Variants in ATP1A2 observed in about 807,000 individuals in gnomAD.
ATP1A2 encodes the protein ATPase Na+/K+ transporting subunit alpha 2.
A neutral mutation model predicts 113.1 loss-of-function variants in ATP1A2; 56 were observed. That is an observed-to-expected ratio of 0.49 (90% CI 0.40 to 0.62). The LOEUF is 0.62. Among genes scored for constraint, ATP1A2 ranks in the 20% least tolerant of loss-of-function variants. The pLI is 0.00. For synonymous variants in ATP1A2, 490 were observed against 526.8 expected, an observed-to-expected ratio of 0.93 and a Z score of 0.96; for missense variants, 712 against 1,357.8, an observed-to-expected ratio of 0.52 and a Z score of 7.47.
rs755842589 is a variant in ATP1A2 at position 160,134,444 on chromosome 1, T to C, written c.1828-40T>C. 1.4e-5 allele frequency: 23 copies of C among 1,614,056 alleles called. No individual in the cohort carries two copies. In the Middle Eastern group the frequency reaches 2.0e-3, roughly 139 times the overall value. ...AGAGGAACAGGAGGGGGATAAACCC[T>C]TAATACTACTTTCCTGTTGTCTCCT... is the stretch of plus-strand genomic sequence containing the variant. On this transcript the variant is annotated intron_variant, in intron 13 of 22. Coordinates refer to ENST00000361216, the MANE Select transcript of ATP1A2 (RefSeq NM_000702.4).
intron 22 of ATP1A2, chr1:160,140,588 A>C (rs1339462465): frequency 1.2e-5 from 2 of 167,084 alleles, no homozygotes; most frequent in African/African-American, 4.8e-5. Context: ...TAAAATCTGA[A>C]TTCGACTTCT....
intron 7 of ATP1A2, among the ~76,000 whole-genome samples, chr1:160,126,791 G>A (rs1651602643): frequency 6.6e-6 from 1 of 152,094 alleles, no homozygotes; most frequent in Non-Finnish European, 1.5e-5. Context: ...AATTTTTAAT[G>A]TACTGAGATT....
At chr1:160,132,720 A>C (rs1051897265) in intron 13 of ATP1A2, among the ~76,000 whole-genome samples, 5 of 152,188 alleles carry the variant, frequency 3.3e-5, no homozygotes, top group African/African-American at 9.7e-5. Flanking sequence ...ACCCCAGGAA[A>C]GACAGATGTT....
chr1:160,122,111 G>A (rs554699302), intron 3 of ATP1A2, among the ~76,000 whole-genome samples: 5 of 152,302 alleles, frequency 3.3e-5, no homozygotes, highest in African/African-American at 7.2e-5. Context: ...CAGACTGGGC[G>A]ATAGAGTGAG....
intron 6 of ATP1A2, 126 bp downstream of exon 6, chr1:160,124,556 C>T: frequency 7.2e-7 from 1 of 1,391,294 alleles, no homozygotes. Context: ...ATGCCTATGC[C>T]CCTGCTAAAC....
chr1:160,118,512 A>C (rs1651262092), intron 1 of ATP1A2, among the ~76,000 whole-genome samples: 1 of 152,196 alleles, frequency 6.6e-6, no homozygotes, highest in Non-Finnish European at 1.5e-5. Flanking sequence ...TCACCTGAGA[A>C]AGGCAGAGGC....
chr1:160,123,500 A>G, intron 4 of ATP1A2, 84 bp downstream of exon 4: 1 of 1,547,940 alleles, frequency 6.5e-7, no homozygotes, highest in South Asian at 1.1e-5. Context: ...TGGGCAGGGA[A>G]CAAGGCCCTC....
At chr1:160,133,998 C>T (rs1651842284) in intron 13 of ATP1A2, among the ~76,000 whole-genome samples, 1 of 151,918 alleles carries the variant, frequency 6.6e-6, no homozygotes, top group Admixed American at 6.6e-5. Flanking sequence ...CACTCAAATT[C>T]ACACAGACAC....
At chr1:160,116,738 AC>A (rs1164209792) in intron 1 of ATP1A2, among the ~76,000 whole-genome samples, 1 of 152,172 alleles carries the variant, frequency 6.6e-6, no homozygotes, top group African/African-American at 2.4e-5. Flanking sequence ...AAAAGAGGAC[AC>A]AGAGGGAAAG....
rs1458847079 is a variant in ATP1A2 at position 160,135,344 on chromosome 1, G to A, written c.2115+49G>A. ...ATGACAGGCAGGGACCGGGGAGGCAGGGACAGGGCCAAGACAAGCATGGAG... is the reference window on the plus strand; with the variant it reads ...ATGACAGGCAGGGACCGGGGAGGCAAGGACAGGGCCAAGACAAGCATGGAG... On this transcript the variant is annotated intron_variant, in intron 15 of 22. Coordinates refer to ENST00000361216, the MANE Select transcript of ATP1A2 (RefSeq NM_000702.4). The surrounding 1 kb of genome is among the most constrained non-coding windows in gnomAD (Gnocchi z 6.3). 1 of 1,614,216 alleles carries A rather than the reference G, an allele frequency of 6.2e-7. No homozygotes were observed. Among genetic ancestry groups the A allele is most frequent in the Non-Finnish European group, 8.5e-7 (1 of 1,180,034 alleles).
At chr1:160,129,421 C>T (rs761882567) in intron 11 of ATP1A2, 21 bp downstream of exon 11, 1 of 1,610,262 alleles carries the variant, frequency 6.2e-7, no homozygotes, top group Non-Finnish European at 8.5e-7. Context: ...GTTGCCAGGA[C>T]AGAGGAAGAG....
intron 7 of ATP1A2, chr1:160,125,661 A>C: frequency 4.6e-6 from 1 of 217,876 alleles, no homozygotes; most frequent in Non-Finnish European, 9.3e-6. Flanking sequence ...CCCTTCGATA[A>C]CCTTTGCTTT....
chr1:160,128,367 C>A, intron 8 of ATP1A2: 1 of 757,562 alleles, frequency 1.3e-6, no homozygotes, highest in South Asian at 1.5e-5. Flanking sequence ...TTGCAGTGTC[C>A]CTTCTGTGTT....
intron 17 of ATP1A2, 44 bp downstream of exon 17, chr1:160,136,037 A>G (rs762446159): frequency 6.2e-7 from 1 of 1,613,842 alleles, no homozygotes; most frequent in Non-Finnish European, 8.5e-7. Context: ...GGCAATCGTG[A>G]TGGCACAGTG....
At chr1:160,136,825 A>G (rs1651968826) in intron 19 of ATP1A2, 76 bp from the exon 20 acceptor site, 1 of 1,614,110 alleles carries the variant, frequency 6.2e-7, no homozygotes, top group Non-Finnish European at 8.5e-7. Flanking sequence ...GGGGTGGATC[A>G]GGAGAAACCA....
At position 160,141,681 on chromosome 1, in the gene ATP1A2, G is replaced by A. The variant is rs1447134697; in HGVS notation, c.*359G>A. The A allele has an allele frequency of 2.9e-6, 1 of 342,308 alleles. No homozygotes were observed. Among genetic ancestry groups the A allele is most frequent in the African/African-American group, 2.1e-5 (1 of 47,382 alleles). 21.2% of individuals were successfully genotyped at this position (342,308 alleles called of 1,614,324 possible). On this transcript the variant is annotated 3_prime_UTR_variant, in exon 23 of 23. Transcript: ENST00000361216. ...GTAATAGATCAGCATCCAAAAGCAG[G>A]AACCCATCTAAACCAGAAGGAAGCC...
At chr1:160,125,728 T>C (rs1217243348) in intron 7 of ATP1A2, among the ~76,000 whole-genome samples, 1 of 152,222 alleles carries the variant, frequency 6.6e-6, no homozygotes, top group Non-Finnish European at 1.5e-5. Flanking sequence ...GGTGAACACT[T>C]GGGGCCTACT....
At chr1:160,129,188 G>C in intron 10 of ATP1A2, 78 bp from the exon 11 acceptor site, 4 of 1,611,242 alleles carry the variant, frequency 2.5e-6, no homozygotes, top group Non-Finnish European at 3.4e-6. Context: ...CTGCCTTGGG[G>C]GTTTCAGTGC....
In ATP1A2 at chr1:160,121,268, C is replaced by T. The variant is rs764497416; in HGVS notation, c.177+17C>T. The T allele has an allele frequency of 4.3e-6, 7 of 1,614,088 alleles. No homozygotes were observed. Among genetic ancestry groups the T allele is most frequent in the Admixed American group, 1.7e-5 (1 of 60,024 alleles). ...CTGTCCAAGGTGAGTGGAGGGGCTT[C>T]TAGGGAAGGAACAAAAGAGGCAAGA... On this transcript the variant is annotated intron_variant, in intron 3 of 22. Transcript: ENST00000361216.
Sources: gnomAD v4.1 joint callset for allele counts (sites outside exome capture counted in the v4.1 genomes callset) on GRCh38, gnomAD v4.1.1 for gene constraint, Gnocchi (gnomAD v3.1) non-coding constraint, MANE v1.5 for transcripts, NCBI Gene and HGNC (gene_info 2026-07-23, HGNC 2026-07-21) for gene names.